XKR4: variants seen among roughly 807,000 people sequenced by gnomAD.
XKR4 encodes the protein XK-related protein 4.
A neutral mutation model predicts 53.9 loss-of-function variants in XKR4; 12 were observed. The ratio of observed to expected loss-of-function variants is 0.22; its 90% CI spans 0.14 to 0.36. XKR4 has a LOEUF of 0.36. Among genes scored for constraint, XKR4 ranks in the 10% least tolerant of loss-of-function variants. The pLI is 1.00. For synonymous variants in XKR4, 354 were observed against 362.4 expected, an observed-to-expected ratio of 0.98 and a Z score of 0.26; for missense variants, 799 against 859.5, an observed-to-expected ratio of 0.93 and a Z score of 0.88.
At chr8:55,234,232 T>C (rs980390167) in intron 1 of XKR4, among the ~76,000 whole-genome samples, 1 of 152,194 alleles carries the variant, frequency 6.6e-6, no homozygotes, top group African/African-American at 2.4e-5. Flanking sequence ...ACCCACCCTA[T>C]AGATTTGGAT....
At chr8:55,223,917 A>G (rs1398476543) in intron 1 of XKR4, among the ~76,000 whole-genome samples, 1 of 152,160 alleles carries the variant, frequency 6.6e-6, no homozygotes, top group African/African-American at 2.4e-5. Flanking sequence ...GAATAGACCT[A>G]GTAGAAAGAA....
chr8:55,526,549 A>T lies in XKR4; in HGVS notation c.*2322A>T, dbSNP rs916995067. The T allele has an allele frequency of 2.0e-5, 3 of 152,154 alleles. No homozygotes were observed. The highest frequency in any genetic ancestry group is 7.2e-5 in the African/African-American group (3 of 41,430). 9.4% of individuals were successfully genotyped at this position (152,154 alleles called of 1,614,324 possible). On this transcript the variant is annotated 3_prime_UTR_variant, in exon 3 of 3. Transcript: ENST00000327381. The stretch of plus-strand genomic sequence containing the variant: ...ATCCCCACTGGAGAAGGAAAAAACG[A>T]TTTTGGCAAATTCTTCACTTTTGTG...
chr8:55,439,966 T>C (rs1018544978), intron 2 of XKR4, among the ~76,000 whole-genome samples: 13 of 152,064 alleles, frequency 8.5e-5, no homozygotes, highest in Non-Finnish European at 8.8e-5. Context: ...TAGAGGAATA[T>C]AGGGAGCTGT....
In XKR4 at chr8:55,533,591, C is replaced by T. The variant is rs1403608867; in HGVS notation, c.*9364C>T. The T allele has an allele frequency of 1.3e-5, 2 of 152,210 alleles. No individual in the cohort carries two copies. The highest frequency in any genetic ancestry group is 2.4e-5 in the African/African-American group (1 of 41,460). The allele number at this position is 152,210 out of a possible 1,614,324, so 9.4% of individuals were successfully genotyped here. The stretch of plus-strand genomic sequence containing the variant: ...AGCAGTGAGCTGTCACTCAGAAATA[C>T]AGTCACCACTGTCACAAAGCTGCCT... On this transcript the variant is annotated 3_prime_UTR_variant, in exon 3 of 3. Coordinates refer to ENST00000327381, the MANE Select transcript of XKR4 (RefSeq NM_052898.2).
chr8:55,516,088 C>T (rs1365901061), intron 2 of XKR4, among the ~76,000 whole-genome samples: 2 of 152,222 alleles, frequency 1.3e-5, no homozygotes, highest in Non-Finnish European at 2.9e-5. Context: ...ATACTTGCCT[C>T]AAAGTGTTCT....
intron 1 of XKR4, among the ~76,000 whole-genome samples, chr8:55,139,229 A>G (rs960101730): frequency 1.3e-5 from 2 of 152,188 alleles, no homozygotes; most frequent in African/African-American, 4.8e-5. Flanking sequence ...ACTTGCAATA[A>G]GGAAATGTAA....
At chr8:55,194,797 G>A (rs1442278876) in intron 1 of XKR4, among the ~76,000 whole-genome samples, 1 of 152,184 alleles carries the variant, frequency 6.6e-6, no homozygotes, top group Non-Finnish European at 1.5e-5. Context: ...AAATATTGAT[G>A]AAAGAAGTCA....
chr8:55,468,373 A>G (rs1805813432), intron 2 of XKR4, among the ~76,000 whole-genome samples: 1 of 152,136 alleles, frequency 6.6e-6, no homozygotes, highest in Non-Finnish European at 1.5e-5. Flanking sequence ...AGACAGAAGT[A>G]TGAAGCCAAC....
chr8:55,155,767 T>C (rs1243666581), intron 1 of XKR4, among the ~76,000 whole-genome samples: 1 of 152,126 alleles, frequency 6.6e-6, no homozygotes, highest in South Asian at 2.1e-4. Flanking sequence ...AAAGACTAAA[T>C]ACAAGTGTTG....
chr8:55,339,800 C>T (rs190095753), intron 1 of XKR4, among the ~76,000 whole-genome samples: 49 of 152,246 alleles, frequency 3.2e-4, no homozygotes, highest in African/African-American at 1.1e-3. Flanking sequence ...CACATTTCCA[C>T]AAACCACACT....
chr8:55,171,589 T>C (rs1374744625), intron 1 of XKR4, among the ~76,000 whole-genome samples: 1 of 152,168 alleles, frequency 6.6e-6, no homozygotes, highest in Non-Finnish European at 1.5e-5. Context: ...TGTATGTTCT[T>C]AGCACCTAAA....
At chr8:55,206,281 T>C (rs1301022623) in intron 1 of XKR4, among the ~76,000 whole-genome samples, 1 of 152,142 alleles carries the variant, frequency 6.6e-6, no homozygotes, top group Non-Finnish European at 1.5e-5. Context: ...ATTGGTCCAT[T>C]TTACAGAGTG....
At chr8:55,458,264 G>A (rs1331128211) in intron 2 of XKR4, among the ~76,000 whole-genome samples, 1 of 152,230 alleles carries the variant, frequency 6.6e-6, no homozygotes, top group Non-Finnish European at 1.5e-5. Flanking sequence ...TTGTGAAGGG[G>A]TTGGCTTGTT....
intron 2 of XKR4, among the ~76,000 whole-genome samples, chr8:55,506,842 C>T (rs138288237): frequency 5.0e-4 from 76 of 152,362 alleles, no homozygotes; most frequent in African/African-American, 1.8e-3. Context: ...ATGGAAAATG[C>T]AGTGACTATG....
rs190702745 is a variant in XKR4 at position 55,465,148 on chromosome 8, T to C, written c.1007-58133T>C. Among the ~76,000 whole-genome samples, 77 of 152,204 alleles carry C rather than the reference T, an allele frequency of 5.1e-4. 1 individual carries two copies. The highest frequency in any genetic ancestry group is 1.8e-3 in the African/African-American group (74 of 41,470). The stretch of plus-strand genomic sequence containing the variant: ...TTGGAAAAAACTACTTTAAAGTTCA[T>C]ATGGAACCAAAAAGAAGCCTGCATT... On this transcript the variant is annotated intron_variant, in intron 2 of 2. Transcript: ENST00000327381.
chr8:55,462,289 T>C (rs1299864504), intron 2 of XKR4, among the ~76,000 whole-genome samples: 1 of 152,214 alleles, frequency 6.6e-6, no homozygotes, highest in Admixed American at 6.5e-5. Flanking sequence ...GCAGAAACTC[T>C]ACAAACCAGA....
intron 2 of XKR4, chr8:55,451,031 C>A: frequency 3.6e-6 from 2 of 552,488 alleles, no homozygotes; most frequent in South Asian, 3.3e-5. Context: ...TCACCTGCCG[C>A]GCCTGGAATA....
chr8:55,309,514 G>T (rs1029909392), intron 1 of XKR4, among the ~76,000 whole-genome samples: 4 of 152,142 alleles, frequency 2.6e-5, no homozygotes, highest in African/African-American at 9.7e-5. Context: ...TGGTGTATAC[G>T]TGAACATAAA....
chr8:55,495,231 G>A (rs971066797), intron 2 of XKR4, among the ~76,000 whole-genome samples: 1 of 152,206 alleles, frequency 6.6e-6, no homozygotes, highest in Admixed American at 6.5e-5. Context: ...TGACCACAGG[G>A]AGAAGCCAGG....
Sources: gnomAD v4.1 joint callset for allele counts (sites outside exome capture counted in the v4.1 genomes callset) on GRCh38, gnomAD v4.1.1 for gene constraint, MANE v1.5 for transcripts, NCBI Gene and HGNC (gene_info 2026-07-23, HGNC 2026-07-21) for gene names.